PHC3: variants seen among roughly 807,000 people sequenced by gnomAD.
PHC3 encodes polyhomeotic homolog 3.
In PHC3, 13 loss-of-function variants were observed where a neutral mutation model predicts 107.4. The observed-to-expected ratio is 0.12, with a 90% confidence interval of 0.08 to 0.19. The LOEUF (loss-of-function observed/expected upper bound fraction) is 0.19. Ranked by LOEUF, PHC3 falls within the 10% of genes least tolerant of loss-of-function variation. The pLI, the probability that PHC3 is intolerant of heterozygous loss-of-function variation, is 1.00. For missense variants in PHC3, 992 were observed against 1,210.9 expected, an observed-to-expected ratio of 0.82 and a Z score of 2.68; for synonymous variants, 456 against 427.4, an observed-to-expected ratio of 1.07 and a Z score of -0.83.
intron 4 of PHC3, among the ~76,000 whole-genome samples, chr3:170,161,553 C>T (rs1022938383): frequency 5.3e-5 from 8 of 152,238 alleles, no homozygotes; most frequent in Non-Finnish European, 7.3e-5. Context: ...AATGCTGCCA[C>T]TGATCTGACA....
rs780747025 is a variant in PHC3, at chr3:170,128,897, A to G, written c.1575T>C (p.Ile525=). Reference sequence around the variant, plus strand: ...GCATAGACTGCAAGGGCAGTGGTGGAATCTGAGCTGGAGGAGATGTCGACA... The same window carrying G: ...GCATAGACTGCAAGGGCAGTGGTGGGATCTGAGCTGGAGGAGATGTCGACA... ...PQMSTSPPAQ[I]PPLPLQSMQS... is the part of the protein sequence containing the mutation. Residue 525 remains isoleucine (I), a synonymous_variant, in exon 8 of 15, where the codon ATT becomes ATC. Coordinates refer to ENST00000495893, the MANE Select transcript of PHC3 (RefSeq NM_024947.4). 3.1e-6 allele frequency: 5 copies of G among 1,614,010 alleles called. No homozygotes were observed. Among genetic ancestry groups the G allele is most frequent in the Non-Finnish European group, 4.2e-6 (5 of 1,179,892 alleles).
intron 4 of PHC3, chr3:170,150,755 C>T (rs1249003927): frequency 4.8e-6 from 2 of 415,260 alleles, no homozygotes; most frequent in South Asian, 1.6e-5. Flanking sequence ...TAAACTAGTG[C>T]ATTGTTAACC....
At chr3:170,155,918 A>C (rs1313460501) in intron 4 of PHC3, among the ~76,000 whole-genome samples, 1 of 152,156 alleles carries the variant, frequency 6.6e-6, no homozygotes, top group East Asian at 1.9e-4. Context: ...ACTTTTTTTA[A>C]AGTTTTTAAC....
chr3:170,121,640 G>A (rs916578787), intron 9 of PHC3, among the ~76,000 whole-genome samples: 8 of 151,964 alleles, frequency 5.3e-5, no homozygotes, highest in African/African-American at 1.7e-4. Flanking sequence ...CTGGGACTCC[G>A]GGCATGCACC....
At chr3:170,155,045 A>C (rs1726666525) in intron 4 of PHC3, among the ~76,000 whole-genome samples, 1 of 152,218 alleles carries the variant, frequency 6.6e-6, no homozygotes, top group African/African-American at 2.4e-5. Flanking sequence ...AAACTCACTT[A>C]CTGAGCCCGA....
chr3:170,102,102 AG>A, intron 14 of PHC3: 1 of 957,906 alleles, frequency 1.0e-6, no homozygotes, highest in East Asian at 1.1e-4. Flanking sequence ...AGGTTAAATT[AG>A]GAAATAAGGA....
At chr3:170,178,636 G>A in intron 2 of PHC3, 137 bp downstream of exon 2, 1 of 949,764 alleles carries the variant, frequency 1.1e-6, no homozygotes, top group Non-Finnish European at 1.6e-6. Context: ...CACACAAAAT[G>A]GATTGAGACA....
intron 4 of PHC3, among the ~76,000 whole-genome samples, chr3:170,151,570 A>G (rs757095484): frequency 1.3e-5 from 2 of 152,226 alleles, no homozygotes; most frequent in Non-Finnish European, 2.9e-5. Flanking sequence ...TTGGTTCTAT[A>G]GAGCCAGAAG....
rs886117145 is a variant in PHC3, at chr3:170,096,379, G to T, written c.*851C>A. On this transcript the variant is annotated 3_prime_UTR_variant, in exon 15 of 15. Coordinates refer to ENST00000495893, the MANE Select transcript of PHC3 (RefSeq NM_024947.4). ...CAACCTTGGCAGTACCGATATTTTT[G>T]AACCAATAATTCTTTACAGTGGAGG... is the stretch of plus-strand genomic sequence containing the variant. 3.3e-5 allele frequency: 5 copies of T among 151,866 alleles called. No homozygotes were observed. The highest frequency in any genetic ancestry group is 6.6e-5 in the Admixed American group (1 of 15,242). The allele number at this position is 151,866 out of a possible 1,614,324, so 9.4% of individuals were successfully genotyped here. A position where few individuals can be genotyped will look rare whatever the true frequency, so the allele number is the denominator to read the frequency against.
chr3:170,160,906 CA>C (rs1191393576), intron 4 of PHC3, among the ~76,000 whole-genome samples: 1 of 150,576 alleles, frequency 6.6e-6, no homozygotes, highest in Non-Finnish European at 1.5e-5. Flanking sequence ...GACTCAGTCT[CA>C]AAAAAACAAA....
intron 9 of PHC3, 115 bp downstream of exon 9, chr3:170,122,476 A>T (rs1222091072): frequency 1.9e-6 from 2 of 1,034,962 alleles, no homozygotes; most frequent in African/African-American, 3.2e-5. Flanking sequence ...AATGGTGTGC[A>T]CCTGTAGTTC....
chr3:170,112,832 TTC>T (rs1453173598), intron 11 of PHC3, among the ~76,000 whole-genome samples: 2 of 152,180 alleles, frequency 1.3e-5, no homozygotes, highest in Non-Finnish European at 2.9e-5. Context: ...CCTTATTTCA[TTC>T]TTTATTAGAA....
chr3:170,139,968 G>T (rs1479342995), intron 6 of PHC3, among the ~76,000 whole-genome samples: 1 of 151,900 alleles, frequency 6.6e-6, no homozygotes, highest in Non-Finnish European at 1.5e-5. Context: ...TCTACATTTT[G>T]CCTGAGTTAT....
intron 10 of PHC3, among the ~76,000 whole-genome samples, chr3:170,116,816 T>TAGA (rs1199515983): frequency 5.3e-5 from 8 of 150,654 alleles, no homozygotes; most frequent in Non-Finnish European, 1.2e-4. Flanking sequence ...GTGGCTGAGG[T>TAGA]AGAAGAATCA....
At chr3:170,111,659 A>G (rs1321869954) in intron 11 of PHC3, among the ~76,000 whole-genome samples, 1 of 152,218 alleles carries the variant, frequency 6.6e-6, no homozygotes, top group Non-Finnish European at 1.5e-5. Context: ...ATCAAACTGA[A>G]CTCAGAATAA....
At chr3:170,136,752 C>T (rs569003290) in intron 6 of PHC3, 87 bp from the exon 7 acceptor site, 1 of 1,368,884 alleles carries the variant, frequency 7.3e-7, no homozygotes, top group East Asian at 2.4e-5. Flanking sequence ...ATACTGACAA[C>T]ACATTTATAT....
intron 11 of PHC3, 90 bp from the exon 12 acceptor site, chr3:170,107,036 A>G (rs1716669236): frequency 1.2e-6 from 1 of 828,428 alleles, no homozygotes; most frequent in Non-Finnish European, 1.8e-6. Context: ...GGATACTGCT[A>G]GCAAACCAAT....
chr3:170,166,597 A>G (rs1284609035), intron 4 of PHC3, among the ~76,000 whole-genome samples: 3 of 152,152 alleles, frequency 2.0e-5, no homozygotes, highest in Non-Finnish European at 4.4e-5. Context: ...GCATATGGGC[A>G]TAATTATCTA....
At chr3:170,172,949 T>C (rs567551895) in intron 2 of PHC3, among the ~76,000 whole-genome samples, 3 of 152,222 alleles carry the variant, frequency 2.0e-5, no homozygotes, top group African/African-American at 4.8e-5. Context: ...TTCCAGCACT[T>C]TGGGAGGCCG....
Sources: allele counts gnomAD v4.1 joint callset (sites outside exome capture counted in the v4.1 genomes callset), GRCh38; gene constraint gnomAD v4.1.1; transcripts MANE v1.5; gene names NCBI Gene and HGNC (gene_info 2026-07-23, HGNC 2026-07-21).